ANK1: variants seen among roughly 807,000 people sequenced by gnomAD.
ANK1 encodes ankyrin 1.
A neutral mutation model predicts 210.4 loss-of-function variants in ANK1; 51 were observed. The observed-to-expected ratio is 0.24, with a 90% CI of 0.19 to 0.31. The LOEUF (loss-of-function observed/expected upper bound fraction) is 0.31. Ranked by LOEUF, ANK1 falls within the 10% of genes least tolerant of loss-of-function variation. The probability of loss-of-function intolerance (pLI) is 1.00; values close to 1 mark genes in which losing one functional copy is unlikely to be tolerated. For missense variants in ANK1, 2,051 were observed against 2,504.4 expected (o/e 0.82, Z 3.86); for synonymous variants, 967 against 1,025.9 (o/e 0.94, Z 1.10).
intron 1 of ANK1, among the ~76,000 whole-genome samples, chr8:41,836,896 G>A (rs1807838096): frequency 6.6e-6 from 1 of 151,564 alleles, no homozygotes; most frequent in Admixed American, 6.6e-5. Flanking sequence ...CTCCAGCCTG[G>A]GCAACAGAGT....
At chr8:41,802,131 A>C (rs1849975338), upstream of ANK1, among the ~76,000 whole-genome samples, 1 of 152,186 alleles carries the variant, frequency 6.6e-6, no homozygotes. Flanking sequence ...CTGGGACTAC[A>C]GGCACTCACC....
At chr8:41,768,706 A>G (rs868772118) in intron 1 of ANK1, among the ~76,000 whole-genome samples, 7 of 152,114 alleles carry the variant, frequency 4.6e-5, no homozygotes, top group African/African-American at 1.4e-4. Flanking sequence ...GAAGGATCAT[A>G]ATCCCAGCAT....
In ANK1 at chr8:41,668,553, C is replaced by T. The variant is rs2150556792; in HGVS notation, c.5108G>A (p.Trp1703Ter). 6.2e-7 allele frequency: 1 copy of T among 1,612,636 alleles called. No homozygotes were observed. Among genetic ancestry groups the T allele is most frequent in the Non-Finnish European group, 8.5e-7 (1 of 1,178,714 alleles). Reference protein sequence around the residue: ...TERSQDRLQDWDADGSIVSYL... With the variant: ...TERSQDRLQD Reference sequence around the variant, plus strand: ...TGAGACAATCGAGCCGTCTGCATCCCAGTCCTGCAGTCTGGGGTCCAGAAG... The same window carrying T: ...TGAGACAATCGAGCCGTCTGCATCCTAGTCCTGCAGTCTGGGGTCCAGAAG... Residue 1703 changes from tryptophan (W) to a stop codon, truncating the protein, a stop_gained, in exon 39 of 43, where the codon TGG (tryptophan) becomes TAG (stop). Transcript: ENST00000289734. LOFTEE classifies it high-confidence loss of function.
rs1808486691 is a variant in ANK1 at position 41,662,036 on chromosome 8, C to G, written c.5479-95G>C. On this transcript the variant is annotated intron_variant, in intron 40 of 42. Transcript: ENST00000289734. ...CACTTTGGGAGGCTGACGTGCAGAT[C>G]ATCTGAGGTCAGGAGTTTGAGACCA... The G allele has an allele frequency of 2.0e-6, 3 of 1,467,012 alleles. No individual in the cohort carries two copies. In the South Asian group the frequency reaches 3.5e-5, roughly 17 times the overall value. 90.9% of individuals were successfully genotyped at this position (1,467,012 alleles called of 1,614,324 possible).
chr8:41,736,599 G>A (rs974713044), intron 2 of ANK1, among the ~76,000 whole-genome samples: 4 of 152,238 alleles, frequency 2.6e-5, no homozygotes, highest in Non-Finnish European at 4.4e-5. Flanking sequence ...GCCTTGCCTC[G>A]GTGCTGACGG....
At chr8:41,809,787 G>T (rs529787560) in intron 1 of ANK1, among the ~76,000 whole-genome samples, 64 of 152,262 alleles carry the variant, frequency 4.2e-4, no homozygotes, top group African/African-American at 1.5e-3. Context: ...TAAAAATAGG[G>T]AAGAATTGAA....
At chr8:41,736,614 G>A (rs1833493113) in intron 2 of ANK1, among the ~76,000 whole-genome samples, 1 of 152,206 alleles carries the variant, frequency 6.6e-6, no homozygotes. Flanking sequence ...TGACGGCTGG[G>A]GTTTTAGTGC....
chr8:41,852,731 C>CG (rs1469951992), intron 1 of ANK1, among the ~76,000 whole-genome samples: 12 of 152,214 alleles, frequency 7.9e-5, no homozygotes, highest in African/African-American at 2.9e-4. Context: ...TCGAGGATGA[C>CG]GCCACTGGTG....
At chr8:41,765,646 G>A (rs1350993740) in intron 1 of ANK1, among the ~76,000 whole-genome samples, 1 of 152,144 alleles carries the variant, frequency 6.6e-6, no homozygotes, top group Non-Finnish European at 1.5e-5. Flanking sequence ...CAGGAGAAAG[G>A]GAATGGAAGA....
At chr8:41,841,186 T>C (rs931161361) in intron 1 of ANK1, among the ~76,000 whole-genome samples, 10 of 152,210 alleles carry the variant, frequency 6.6e-5, no homozygotes, top group African/African-American at 2.2e-4. Context: ...TGAGAAAATA[T>C]GGTCTATCCA....
intron 2 of ANK1, among the ~76,000 whole-genome samples, chr8:41,737,824 G>C (rs1336548799): frequency 3.3e-5 from 5 of 152,144 alleles, no homozygotes; most frequent in Non-Finnish European, 7.3e-5. Context: ...ACATGGGGAC[G>C]GGGCTGAGGA....
At chr8:41,761,217 ACACAG>A (rs1231990256) in intron 1 of ANK1, among the ~76,000 whole-genome samples, 13 of 151,632 alleles carry the variant, frequency 8.6e-5, no homozygotes, top group Admixed American at 1.3e-4. Context: ...ACACACACAC[ACACAG>A]ATGTGTGCAC....
chr8:41,798,164 G>C (rs1849168734), upstream of ANK1, among the ~76,000 whole-genome samples: 1 of 152,008 alleles, frequency 6.6e-6, no homozygotes, highest in Non-Finnish European at 1.5e-5. Context: ...TCGGCGCTGC[G>C]GGTGTGGGGC....
chr8:41,891,119 T>C (rs1358307708), intron 1 of ANK1, among the ~76,000 whole-genome samples: 1 of 152,026 alleles, frequency 6.6e-6, no homozygotes, highest in African/African-American at 2.4e-5. Context: ...GGCTTTGACA[T>C]TGAAGGAGGA....
chr8:41,822,767 T>A (rs996829652), intron 1 of ANK1, among the ~76,000 whole-genome samples: 1 of 152,178 alleles, frequency 6.6e-6, no homozygotes, highest in Non-Finnish European at 1.5e-5. Flanking sequence ...TCCTTGACCC[T>A]GCTACCATCC....
At chr8:41,799,036 G>A (rs920763882), upstream of ANK1, among the ~76,000 whole-genome samples, 8 of 152,006 alleles carry the variant, frequency 5.3e-5, no homozygotes, top group African/African-American at 1.4e-4. Flanking sequence ...TCTCCCCGGG[G>A]ACTAGTGCCT....
chr8:41,880,655 G>A (rs772150756), intron 1 of ANK1, among the ~76,000 whole-genome samples: 1 of 152,210 alleles, frequency 6.6e-6, no homozygotes, highest in African/African-American at 2.4e-5. Flanking sequence ...TGAGCTGCGC[G>A]AGGCACACAA....
chr8:41,896,610 G>A (rs778088649), exon 1 of ANK1: 11 of 1,251,980 alleles, frequency 8.8e-6, no homozygotes, highest in Non-Finnish European at 1.1e-5. Context: ...GCGCCCCGAG[G>A]GCCGGCTGCT....
At chr8:41,880,456 C>A (rs928043416) in intron 1 of ANK1, among the ~76,000 whole-genome samples, 1 of 152,212 alleles carries the variant, frequency 6.6e-6, no homozygotes, top group Non-Finnish European at 1.5e-5. Flanking sequence ...GACTTTAATG[C>A]TCAGCTGTGA....
Sources: allele counts gnomAD v4.1 joint callset (sites outside exome capture counted in the v4.1 genomes callset), GRCh38; gene constraint gnomAD v4.1.1; transcripts MANE v1.5; gene names NCBI Gene and HGNC (gene_info 2026-07-23, HGNC 2026-07-21).